The following CYB5RL variants were observed in gnomAD, a reference collection of about 807,000 sequenced individuals.
CYB5RL encodes NADH-cytochrome b5 reductase-like.
CYB5RL carries 38 observed loss-of-function variants against 37.5 expected under a neutral mutation model. That is an observed-to-expected ratio of 1.01 (90% CI 0.78 to 1.33). CYB5RL has a LOEUF of 1.33. Among genes scored for constraint, CYB5RL ranks in the 40% most tolerant of loss-of-function variants. The pLI is 0.00. For missense variants in CYB5RL, 388 were observed against 394.4 expected (o/e 0.98, Z 0.14); for synonymous variants, 141 against 151.9 (o/e 0.93, Z 0.53).
At chr1:54,185,665 G>A in intron 5 of CYB5RL, 1 of 152,346 alleles carries the variant, frequency 6.6e-6, no homozygotes, top group Non-Finnish European at 1.5e-5. Context: ...TTTTTCTCCT[G>A]CCTTGCTGGA....
intron 5 of CYB5RL, chr1:54,184,529 A>C: frequency 4.4e-5 from 16 of 364,130 alleles, no homozygotes; most frequent in East Asian, 5.2e-5. Flanking sequence ...CCAAACCCAA[A>C]TGCCCACAGG....
At chr1:54,179,579 A>C (rs1660107027) in intron 6 of CYB5RL, among the ~76,000 whole-genome samples, 1 of 152,140 alleles carries the variant, frequency 6.6e-6, no homozygotes, top group South Asian at 2.1e-4. Flanking sequence ...ACTGAAAGGG[A>C]ACATAACAGT....
intron 7 of CYB5RL, among the ~76,000 whole-genome samples, chr1:54,177,319 AC>A (rs939951617): frequency 1.3e-5 from 2 of 150,818 alleles, no homozygotes; most frequent in Non-Finnish European, 3.0e-5. Flanking sequence ...GCCACCAGTC[AC>A]CCCCTTCACC....
intron 6 of CYB5RL, among the ~76,000 whole-genome samples, chr1:54,183,869 G>A (rs1394548502): frequency 6.6e-6 from 1 of 152,142 alleles, no homozygotes; most frequent in African/African-American, 2.4e-5. Flanking sequence ...CAGCTACTTG[G>A]GAGGCTGAGG....
intron 1 of CYB5RL, among the ~76,000 whole-genome samples, chr1:54,198,154 G>A (rs1406085689): frequency 6.6e-6 from 1 of 151,842 alleles, no homozygotes; most frequent in African/African-American, 2.4e-5. Context: ...ATACAATCTG[G>A]GAGCTAGGTG....
chr1:54,173,076 C>G lies in CYB5RL; in HGVS notation c.*1543G>C, dbSNP rs1358954663. 3 of 152,210 alleles carry G rather than the reference C, an allele frequency of 2.0e-5. No individual in the cohort carries two copies. The highest frequency in any genetic ancestry group is 4.4e-5 in the Non-Finnish European group (3 of 68,032). 9.4% of individuals were successfully genotyped at this position (152,210 alleles called of 1,614,324 possible). On this transcript the variant is annotated 3_prime_UTR_variant, in exon 8 of 8. Transcript: ENST00000534324. ...TCAGGGCCTTTAACATGCTCCTGTG[C>G]CCGTGCTTCTGGAAGAAGGTCACAC...
intron 6 of CYB5RL, among the ~76,000 whole-genome samples, chr1:54,181,708 T>C (rs1231241905): frequency 2.0e-5 from 3 of 152,136 alleles, no homozygotes; most frequent in Admixed American, 6.5e-5. Flanking sequence ...TCCCAGCACT[T>C]TGGGAGGCTG....
At chr1:54,189,353 T>G (rs1373177359) in intron 4 of CYB5RL, among the ~76,000 whole-genome samples, 1 of 152,026 alleles carries the variant, frequency 6.6e-6, no homozygotes, top group Admixed American at 6.5e-5. Context: ...CTAGGAAACC[T>G]CCTGGAGGTG....
chr1:54,193,034 C>T (rs890373741), intron 3 of CYB5RL, among the ~76,000 whole-genome samples: 5 of 152,232 alleles, frequency 3.3e-5, no homozygotes, highest in Admixed American at 2.0e-4. Context: ...GGATTACAGG[C>T]ATAAGCCACC....
intron 4 of CYB5RL, among the ~76,000 whole-genome samples, chr1:54,189,116 G>T (rs537880334): frequency 6.6e-6 from 1 of 152,274 alleles, no homozygotes; most frequent in African/African-American, 2.4e-5. Context: ...CTGGGAGGCG[G>T]AGGTTGCAGT....
At chr1:54,181,234 C>T (rs911183582) in intron 6 of CYB5RL, among the ~76,000 whole-genome samples, 1 of 152,188 alleles carries the variant, frequency 6.6e-6, no homozygotes, top group Non-Finnish European at 1.5e-5. Context: ...GCAGGGGAGG[C>T]TCCTTTCTTT....
In CYB5RL at chr1:54,171,435, T is replaced by C. The variant is rs1456353280; in HGVS notation, c.*3184A>G. On this transcript the variant is annotated 3_prime_UTR_variant, in exon 8 of 8. Transcript: ENST00000534324. ...GGGGAAAACTGGTCTGGTCTCAGCG[T>C]GGAGGTGGCATGGAGACTGGGAGCT... 1 of 456,066 alleles carries C rather than the reference T, an allele frequency of 2.2e-6. No homozygotes were observed. The highest frequency in any genetic ancestry group is 7.0e-5 in the East Asian group (1 of 14,364). 28.3% of individuals were successfully genotyped at this position (456,066 alleles called of 1,614,324 possible).
intron 1 of CYB5RL, among the ~76,000 whole-genome samples, chr1:54,197,450 A>T (rs551783736): frequency 6.6e-6 from 1 of 151,370 alleles, no homozygotes; most frequent in African/African-American, 2.4e-5. Context: ...CAGCCACCCA[A>T]GTAGCTGGGA....
rs1018083556 is a variant in CYB5RL at position 54,172,754 on chromosome 1, G to C, written c.*1865C>G. Reference sequence around the variant, plus strand: ...AGAGTCAGGCTCCTGACAGGCCCCCGCTATTTGGAGCTGAGTCAATAGGAT... The same window carrying C: ...AGAGTCAGGCTCCTGACAGGCCCCCCCTATTTGGAGCTGAGTCAATAGGAT... On this transcript the variant is annotated 3_prime_UTR_variant, in exon 8 of 8. Transcript: ENST00000534324. The C allele has an allele frequency of 2.6e-5, 4 of 152,226 alleles. No homozygotes were observed. The highest frequency in any genetic ancestry group is 7.2e-5 in the African/African-American group (3 of 41,434). 9.4% of individuals were successfully genotyped at this position (152,226 alleles called of 1,614,324 possible).
In CYB5RL at chr1:54,172,881, A is replaced by G. The variant is rs1470681594; in HGVS notation, c.*1738T>C. 6.6e-6 allele frequency: 1 copy of G among 152,226 alleles called. No homozygotes were observed. Among genetic ancestry groups the G allele is most frequent in the Non-Finnish European group, 1.5e-5 (1 of 68,054 alleles). 9.4% of individuals were successfully genotyped at this position (152,226 alleles called of 1,614,324 possible). A position where few individuals can be genotyped will look rare whatever the true frequency, so the allele number is the denominator to read the frequency against. On this transcript the variant is annotated 3_prime_UTR_variant, in exon 8 of 8. Transcript: ENST00000534324. ...CTCAAGTCACATACTAGGCAGGAAG[A>G]GATCATGGTTCCTGCTCAGAATCTT...
In CYB5RL at chr1:54,174,622, G is replaced by C; in HGVS notation, c.945C>G (p.Phe315Leu). The change falls in exon 8 of 8, where the codon TTC becomes TTG. Residue 315 changes from phenylalanine to leucine, a missense_variant. By Grantham distance (22) the Phe-to-Leu change is conservative (BLOSUM62 0). Transcript: ENST00000534324. Reference protein sequence around the residue: ...AGLTEDSYFLF With the variant: ...AGLTEDSYFLL Reference sequence around the variant, plus strand: ...GGCTTTGGAAGAGAGGCCAGGGCTAGAAGAGGAAATAGGAGTCCTCAGTGA... The same window carrying C: ...GGCTTTGGAAGAGAGGCCAGGGCTACAAGAGGAAATAGGAGTCCTCAGTGA... 3 of 1,607,022 alleles carry C rather than the reference G, an allele frequency of 1.9e-6. No homozygotes were observed. Among genetic ancestry groups the C allele is most frequent in the Non-Finnish European group, 1.7e-6 (2 of 1,177,078 alleles).
intron 1 of CYB5RL, among the ~76,000 whole-genome samples, chr1:54,199,012 T>C (rs1049631622): frequency 3.9e-5 from 6 of 152,180 alleles, no homozygotes; most frequent in African/African-American, 1.2e-4. Context: ...CAGTCATGAA[T>C]TTTAAAGAGT....
intron 5 of CYB5RL, chr1:54,185,632 G>A (rs1660269159): frequency 6.6e-6 from 1 of 152,214 alleles, no homozygotes; most frequent in African/African-American, 2.4e-5. Flanking sequence ...TCAACTGGAA[G>A]GGGTCTAGTA....
At chr1:54,194,645 C>T (rs946084757) in intron 3 of CYB5RL, among the ~76,000 whole-genome samples, 6 of 149,040 alleles carry the variant, frequency 4.0e-5, no homozygotes, top group African/African-American at 1.5e-4. Context: ...TCCATCTCTA[C>T]AAAAAAGAAA....
Sources: allele counts gnomAD v4.1 joint callset (sites outside exome capture counted in the v4.1 genomes callset), GRCh38; gene constraint gnomAD v4.1.1; transcripts MANE v1.5; gene names NCBI Gene and HGNC (gene_info 2026-07-23, HGNC 2026-07-21).